The following FGF14 variants were observed in gnomAD, a reference collection of about 807,000 sequenced individuals.
The protein encoded by FGF14 is fibroblast growth factor 14.
Under a neutral mutation model 25.5 loss-of-function variants are expected in FGF14, and 5 were observed. That is an observed-to-expected ratio of 0.20 (90% CI 0.10 to 0.41). The LOEUF (loss-of-function observed/expected upper bound fraction) is 0.41. FGF14 is among the 10% of genes least tolerant of loss of function. FGF14 has a pLI of 1.00. For missense variants in FGF14, 222 were observed against 320.1 expected (o/e 0.69, Z 2.34); for synonymous variants, 138 against 118.3 (o/e 1.17, Z -1.08).
intron 1 of FGF14, among the ~76,000 whole-genome samples, chr13:102,294,378 A>G (rs2054586169): frequency 6.6e-6 from 1 of 151,710 alleles, no homozygotes; most frequent in South Asian, 2.1e-4. Context: ...CTTAATCTTC[A>G]TCTTCCACTG....
intron 3 of FGF14, among the ~76,000 whole-genome samples, chr13:101,793,104 T>C (rs2040331813): frequency 6.6e-6 from 1 of 152,118 alleles, no homozygotes. Context: ...AACAGATCTA[T>C]AAAAAATACT....
chr13:102,327,976 C>CA lies in FGF14; in HGVS notation c.208+73494dup, dbSNP rs4000851. On this transcript the variant is annotated intron_variant, in intron 1 of 4. Transcript: ENST00000376131. The stretch of plus-strand genomic sequence containing the variant: ...GCAGGATAAAAGAACCTGGAAGGAT[C>CA]AAAAAAAAAAAAAACAGAATAAATG... Among the ~76,000 whole-genome samples, 960 of 142,284 alleles carry CA rather than the reference C, an allele frequency of 6.7e-3. 1 individual carries two copies. The highest frequency in any genetic ancestry group is 0.011 in the African/African-American group (427 of 39,570). 93.3% of individuals were successfully genotyped at this position (142,284 alleles called of 152,430 possible).
intron 1 of FGF14, among the ~76,000 whole-genome samples, chr13:101,906,965 G>A (rs769629908): frequency 5.9e-4 from 89 of 151,996 alleles, no homozygotes; most frequent in South Asian, 1.2e-3. Context: ...CAAAGTTTAT[G>A]ACTATTTCTT....
intron 1 of FGF14, among the ~76,000 whole-genome samples, chr13:102,350,719 T>C (rs2057252640): frequency 2.6e-5 from 4 of 152,190 alleles, no homozygotes; most frequent in Non-Finnish European, 1.5e-5. Flanking sequence ...GTCCACGTAT[T>C]CAGGTGTAAA....
intron 1 of FGF14, among the ~76,000 whole-genome samples, chr13:102,195,821 A>G (rs977347848): frequency 6.6e-6 from 1 of 151,874 alleles, no homozygotes; most frequent in African/African-American, 2.4e-5. Context: ...TCAAATCAAA[A>G]CAACAGTAAA....
intron 1 of FGF14, among the ~76,000 whole-genome samples, chr13:102,330,078 C>A (rs986409024): frequency 1.3e-5 from 2 of 152,112 alleles, no homozygotes; most frequent in African/African-American, 2.4e-5. Flanking sequence ...TGCTGACAGG[C>A]AGGGAGCCAG....
chr13:101,997,396 C>G (rs1001388607), intron 1 of FGF14, among the ~76,000 whole-genome samples: 1 of 152,110 alleles, frequency 6.6e-6, no homozygotes, highest in African/African-American at 2.4e-5. Context: ...CTCTCAATCA[C>G]AAGACAACTA....
intron 1 of FGF14, among the ~76,000 whole-genome samples, chr13:102,026,807 A>G (rs2040952350): frequency 6.6e-6 from 1 of 151,888 alleles, no homozygotes; most frequent in African/African-American, 2.4e-5. Context: ...TATTTACATA[A>G]GAAATTGTTT....
At chr13:102,178,561 T>C (rs1218316220) in intron 1 of FGF14, among the ~76,000 whole-genome samples, 2 of 152,108 alleles carry the variant, frequency 1.3e-5, no homozygotes, top group Non-Finnish European at 2.9e-5. Flanking sequence ...CCTTCCAAGT[T>C]TCTAATGCCT....
chr13:102,074,898 A>G (rs1438597543), intron 1 of FGF14, among the ~76,000 whole-genome samples: 1 of 152,222 alleles, frequency 6.6e-6, no homozygotes, highest in East Asian at 1.9e-4. Flanking sequence ...AACAATTCTT[A>G]ATAAATTAGA....
rs545183307 is a variant in FGF14 at position 102,118,522 on chromosome 13, C to T, written c.209-243226G>A. Among the ~76,000 whole-genome samples the T allele has an allele frequency of 3.9e-5, 6 of 152,122 alleles. No homozygotes were observed. The East Asian group carries it at 1.2e-3, about 29-fold the overall frequency. On this transcript the variant is annotated intron_variant, in intron 1 of 4. Coordinates refer to the FGF14 transcript ENST00000376131. ...AAATGGTGGTCCATCTATGTTAGAA[C>T]AATTTCAAGATGAGCCTGAGACATA...
intron 1 of FGF14, among the ~76,000 whole-genome samples, chr13:101,940,901 A>G (rs2035407713): frequency 6.6e-6 from 1 of 152,214 alleles, no homozygotes; most frequent in Non-Finnish European, 1.5e-5. Flanking sequence ...TTCATATGCA[A>G]AATAAAATTT....
intron 1 of FGF14, among the ~76,000 whole-genome samples, chr13:102,184,685 A>G (rs2048808934): frequency 1.3e-5 from 2 of 152,188 alleles, no homozygotes; most frequent in African/African-American, 4.8e-5. Context: ...AGAAATTAAC[A>G]AGAACATCCG....
At chr13:102,006,478 T>C (rs1401247573) in intron 1 of FGF14, among the ~76,000 whole-genome samples, 1 of 152,148 alleles carries the variant, frequency 6.6e-6, no homozygotes, top group South Asian at 2.1e-4. Flanking sequence ...GTTGTCATTA[T>C]GTAGTGAGAC....
At chr13:102,326,697 A>AGAAG (rs2056448029) in intron 1 of FGF14, among the ~76,000 whole-genome samples, 1 of 36,810 alleles carries the variant, frequency 2.7e-5, no homozygotes, top group African/African-American at 1.6e-4. Flanking sequence ...AGGGAAGGGA[A>AGAAG]GGAAGGAAGG....
chr13:102,067,332 C>G (rs907425087), intron 1 of FGF14, among the ~76,000 whole-genome samples: 16 of 152,050 alleles, frequency 1.1e-4, no homozygotes, highest in African/African-American at 3.6e-4. Flanking sequence ...AATTCTGCCT[C>G]ATGGAAATAA....
In FGF14 at chr13:101,717,722, T is replaced by C. The variant is rs1042272836; in HGVS notation, c.*5109A>G. The C allele has an allele frequency of 6.6e-6, 1 of 152,108 alleles. No individual in the cohort carries two copies. Among genetic ancestry groups the C allele is most frequent in the African/African-American group, 2.4e-5 (1 of 41,424 alleles). 9.4% of individuals were successfully genotyped at this position (152,108 alleles called of 1,614,324 possible). On this transcript the variant is annotated 3_prime_UTR_variant, in exon 5 of 5. Coordinates refer to ENST00000376143, the MANE Select transcript of FGF14 (RefSeq NM_004115.4). ...TGTAAAAAAAATTTAAAAAATTCCTTCTGAGCTCCCAGGCCATACAAAAGC... is the reference window on the plus strand; with the variant it reads ...TGTAAAAAAAATTTAAAAAATTCCTCCTGAGCTCCCAGGCCATACAAAAGC...
Position 101,905,738 on chromosome 13 carries a change from T to C in FGF14, c.193+10715A>G, listed in dbSNP as rs148383620. On this transcript the variant is annotated intron_variant, in intron 1 of 4. Coordinates refer to ENST00000376143, the MANE Select transcript of FGF14 (RefSeq NM_004115.4). The stretch of plus-strand genomic sequence containing the variant: ...ATTATAGGAATGAACAGAGGGAATC[T>C]TGTGGTTGACATTCTAGCCTGTTCT... 7.0e-4 allele frequency among the ~76,000 whole-genome samples: 107 copies of C among 152,258 alleles called. 4 individuals carry two copies. In the East Asian group the frequency reaches 0.02, roughly 28 times the overall value.
At chr13:101,747,614 T>C (rs73566220) in intron 3 of FGF14, among the ~76,000 whole-genome samples, 3,866 of 152,074 alleles carry the variant, frequency 0.025, 189 homozygotes, top group African/African-American at 0.088. Flanking sequence ...ACATTGCTGA[T>C]CATCATTAAA....
Sources: allele counts gnomAD v4.1 joint callset (sites outside exome capture counted in the v4.1 genomes callset), GRCh38; gene constraint gnomAD v4.1.1; transcripts MANE v1.5; gene names NCBI Gene and HGNC (gene_info 2026-07-23, HGNC 2026-07-21).